The following ZMAT4 variants were observed in gnomAD, a reference collection of about 807,000 sequenced individuals.
ZMAT4 encodes zinc finger matrin-type protein 4.
In ZMAT4, 17 loss-of-function variants were observed where a neutral mutation model predicts 28.7. The ratio of observed to expected loss-of-function variants is 0.59; its 90% CI spans 0.41 to 0.89. The LOEUF is 0.89. ZMAT4 is among the 40% of genes least tolerant of loss of function. The probability of loss-of-function intolerance (pLI) is 0.00; values close to 1 mark genes in which losing one functional copy is unlikely to be tolerated. For synonymous variants in ZMAT4, 117 were observed against 109.2 expected, an observed-to-expected ratio of 1.07 and a Z score of -0.44; for missense variants, 240 against 283.8, an observed-to-expected ratio of 0.85 and a Z score of 1.11.
chr8:40,579,782 C>T (rs1396774522), intron 6 of ZMAT4, among the ~76,000 whole-genome samples: 1 of 152,150 alleles, frequency 6.6e-6, no homozygotes, highest in Non-Finnish European at 1.5e-5. Flanking sequence ...AATAACATAT[C>T]TGATGCTGTG....
At chr8:40,690,956 G>A in intron 4 of ZMAT4, 1 of 982,030 alleles carries the variant, frequency 1.0e-6, no homozygotes. Flanking sequence ...CTGCAAATAA[G>A]AAATACTTGA....
intron 3 of ZMAT4, among the ~76,000 whole-genome samples, chr8:40,746,036 C>A (rs138306883): frequency 5.6e-4 from 86 of 152,260 alleles, no homozygotes; most frequent in African/African-American, 1.8e-3. Flanking sequence ...ATCTTCGCAG[C>A]CAGTAGGTTT....
intron 4 of ZMAT4, among the ~76,000 whole-genome samples, chr8:40,696,471 T>A (rs1453547205): frequency 6.6e-6 from 1 of 152,214 alleles, no homozygotes; most frequent in African/African-American, 2.4e-5. Context: ...CTTCTCTGGA[T>A]TCTAACCTGT....
At chr8:40,817,491 C>T (rs552770993) in intron 2 of ZMAT4, among the ~76,000 whole-genome samples, 2 of 152,182 alleles carry the variant, frequency 1.3e-5, no homozygotes, top group Non-Finnish European at 2.9e-5. Flanking sequence ...TGGGAACTTG[C>T]CCCACTTTAT....
intron 2 of ZMAT4, among the ~76,000 whole-genome samples, chr8:40,777,603 G>T (rs1813651432): frequency 6.6e-6 from 1 of 152,228 alleles, no homozygotes; most frequent in Admixed American, 6.5e-5. Context: ...TGAAGCATCT[G>T]GGCAGAGGGG....
Position 40,652,154 on chromosome 8 carries a change from A to C in ZMAT4, c.577+22550T>G, listed in dbSNP as rs1050408772. On this transcript the variant is annotated intron_variant, in intron 5 of 6. Coordinates refer to ENST00000297737, the MANE Select transcript of ZMAT4 (RefSeq NM_024645.3). ...ATCAGAGTGAACAGGCAACCTACAA[A>C]ATGGGAGAAAATTTTTGCTACCTAC... Among the ~76,000 whole-genome samples, 20 of 116,520 alleles carry C rather than the reference A, an allele frequency of 1.7e-4. 1 individual carries two copies. The highest frequency in any genetic ancestry group is 2.9e-4 in the Non-Finnish European group (15 of 51,738). 76.4% of individuals were successfully genotyped at this position (116,520 alleles called of 152,430 possible).
intron 1 of ZMAT4, among the ~76,000 whole-genome samples, chr8:40,862,047 A>T (rs934706020): frequency 2.0e-5 from 3 of 152,322 alleles, no homozygotes; most frequent in Admixed American, 1.3e-4. Context: ...AAATACCGTA[A>T]GACCCAGCCA....
intron 2 of ZMAT4, among the ~76,000 whole-genome samples, chr8:40,803,081 G>A (rs530920803): frequency 1.1e-4 from 17 of 152,202 alleles, no homozygotes; most frequent in African/African-American, 3.1e-4. Flanking sequence ...CACAAAATGA[G>A]CCACAGACCT....
chr8:40,778,765 C>T (rs936371742), intron 2 of ZMAT4, among the ~76,000 whole-genome samples: 1 of 152,120 alleles, frequency 6.6e-6, no homozygotes, highest in African/African-American at 2.4e-5. Context: ...TTTCTATTTG[C>T]TTACTCAAAG....
rs148692577 is a variant in ZMAT4, at chr8:40,878,303, G to A, written c.-5+19380C>T. 3.4e-3 allele frequency among the ~76,000 whole-genome samples: 514 copies of A among 152,120 alleles called. 1 individual carries two copies. The highest frequency in any genetic ancestry group is 0.012 in the African/African-American group (488 of 41,498). ...TGAAGTCAGGTGGCTCCCCCTCCTT[G>A]CCCCATCTCACAGATGATGGTGTTA... On this transcript the variant is annotated intron_variant, in intron 1 of 6. Coordinates refer to ENST00000297737, the MANE Select transcript of ZMAT4 (RefSeq NM_024645.3).
chr8:40,766,876 A>G (rs1004585028), intron 3 of ZMAT4, among the ~76,000 whole-genome samples: 2 of 152,228 alleles, frequency 1.3e-5, no homozygotes, highest in Non-Finnish European at 2.9e-5. Context: ...TCACAAGCAC[A>G]CGGATGGTGT....
intron 1 of ZMAT4, among the ~76,000 whole-genome samples, chr8:40,834,529 C>T (rs540604331): frequency 6.2e-4 from 94 of 152,170 alleles, no homozygotes; most frequent in Non-Finnish European, 1.1e-3. Context: ...ATTCATGAAA[C>T]GAATTTTTAC....
chr8:40,807,077 T>C (rs577478204), intron 2 of ZMAT4, among the ~76,000 whole-genome samples: 1 of 135,714 alleles, frequency 7.4e-6, no homozygotes, highest in Admixed American at 8.2e-5. Flanking sequence ...TTTCCCAGAG[T>C]GAATATGCCC....
chr8:40,687,279 C>G (rs1350320826), intron 4 of ZMAT4, among the ~76,000 whole-genome samples: 1 of 152,098 alleles, frequency 6.6e-6, no homozygotes. Context: ...AGCTGTTTCC[C>G]AAAGCTGCTG....
At chr8:40,762,567 G>A (rs1196914588) in intron 3 of ZMAT4, among the ~76,000 whole-genome samples, 4 of 152,028 alleles carry the variant, frequency 2.6e-5, no homozygotes, top group Admixed American at 1.3e-4. Flanking sequence ...AAGTCTGGAG[G>A]ATCCCTTGAG....
At chr8:40,547,793 CA>C (rs1213621087) in intron 6 of ZMAT4, among the ~76,000 whole-genome samples, 1 of 151,938 alleles carries the variant, frequency 6.6e-6, no homozygotes, top group African/African-American at 2.4e-5. Flanking sequence ...ATCAAAGTGG[CA>C]AAAACCCACA....
chr8:40,583,104 TG>T (rs1016077630), intron 5 of ZMAT4, among the ~76,000 whole-genome samples: 15 of 152,166 alleles, frequency 9.9e-5, no homozygotes, highest in African/African-American at 2.9e-4. Flanking sequence ...TGTGGGACCG[TG>T]GAGTTCTCCC....
chr8:40,642,208 C>T (rs1807063682), intron 5 of ZMAT4, among the ~76,000 whole-genome samples: 1 of 152,058 alleles, frequency 6.6e-6, no homozygotes, highest in African/African-American at 2.4e-5. Flanking sequence ...ATCTGAAATT[C>T]AAATTCAATT....
chr8:40,663,819 T>A (rs910762555), intron 5 of ZMAT4, among the ~76,000 whole-genome samples: 2 of 152,234 alleles, frequency 1.3e-5, no homozygotes, highest in African/African-American at 4.8e-5. Context: ...TGTTTAAGGG[T>A]CCTATTTTCT....
Sources: allele counts gnomAD v4.1 joint callset (sites outside exome capture counted in the v4.1 genomes callset), GRCh38; gene constraint gnomAD v4.1.1; transcripts MANE v1.5; gene names NCBI Gene and HGNC (gene_info 2026-07-23, HGNC 2026-07-21).